ADGRL3: variants seen among roughly 807,000 people sequenced by gnomAD.
ADGRL3 encodes the protein adhesion G protein-coupled receptor L3.
A neutral mutation model predicts 153.5 loss-of-function variants in ADGRL3; 62 were observed. That is an observed-to-expected ratio of 0.40 (90% confidence interval 0.33 to 0.50). ADGRL3 has a LOEUF of 0.50. ADGRL3 is among the 20% of genes least tolerant of loss of function. ADGRL3 has a pLI of 0.47. For missense variants in ADGRL3, 1,641 were observed against 1,859.4 expected (o/e 0.88, Z 2.16); for synonymous variants, 710 against 672.5 (o/e 1.06, Z -0.86).
chr4:61,948,550 A>G (rs928369711), intron 17 of ADGRL3, among the ~76,000 whole-genome samples: 2 of 152,192 alleles, frequency 1.3e-5, no homozygotes, highest in African/African-American at 4.8e-5. Flanking sequence ...ATGTCAGACC[A>G]TAACCTCATG....
chr4:61,331,507 A>G (rs2095572364), intron 1 of ADGRL3, among the ~76,000 whole-genome samples: 1 of 152,124 alleles, frequency 6.6e-6, no homozygotes, highest in Non-Finnish European at 1.5e-5. Context: ...TTTTCTTCCA[A>G]TACATTTTCT....
chr4:62,051,191 C>T (rs7669786), intron 25 of ADGRL3, among the ~76,000 whole-genome samples: 39,115 of 129,126 alleles, frequency 0.3, 5,600 homozygotes, highest in Middle Eastern at 0.42. Context: ...TATATATATA[C>T]ATACATACAC....
At chr4:61,656,779 T>C (rs2150492541) in intron 5 of ADGRL3, among the ~76,000 whole-genome samples, 1 of 152,318 alleles carries the variant, frequency 6.6e-6, no homozygotes, top group African/African-American at 2.4e-5. Context: ...AACCGTATTT[T>C]CACTCAGCAT....
At chr4:61,599,293 C>T (rs1387288650) in intron 5 of ADGRL3, among the ~76,000 whole-genome samples, 1 of 152,172 alleles carries the variant, frequency 6.6e-6, no homozygotes, top group African/African-American at 2.4e-5. Context: ...AGGACCCTCT[C>T]TGGAATGGGA....
intron 8 of ADGRL3, among the ~76,000 whole-genome samples, chr4:61,758,814 G>A (rs2096871818): frequency 6.6e-6 from 1 of 152,192 alleles, no homozygotes; most frequent in African/African-American, 2.4e-5. Context: ...GCAGTGGCTG[G>A]AACCGCTTGT....
intron 4 of ADGRL3, chr4:61,579,732 C>T (rs1005597302): frequency 8.3e-6 from 3 of 363,330 alleles, no homozygotes; most frequent in African/African-American, 4.4e-5. Context: ...TTCTTTTGAC[C>T]TCAGAACATA....
rs1025980144 is a variant in ADGRL3, at chr4:62,077,382, T to G, written c.*6474T>G. On this transcript the variant is annotated 3_prime_UTR_variant, in exon 27 of 27. Coordinates refer to ENST00000683033, the MANE Select transcript of ADGRL3 (RefSeq NM_001387552.1). ...CAATGATCCAAGACTACAAAATTTCTTGCTACATTGGCAAGGAAATATGTT... is the reference window on the plus strand; with the variant it reads ...CAATGATCCAAGACTACAAAATTTCGTGCTACATTGGCAAGGAAATATGTT... 1 of 151,964 alleles carries G rather than the reference T, an allele frequency of 6.6e-6. No individual in the cohort carries two copies. The highest frequency in any genetic ancestry group is 6.6e-5 in the Admixed American group (1 of 15,250). The allele number at this position is 151,964 out of a possible 1,614,324, so 9.4% of individuals were successfully genotyped here. A position where few individuals can be genotyped will look rare whatever the true frequency, so the allele number is the denominator to read the frequency against.
At chr4:61,551,065 T>C (rs1015240778) in intron 4 of ADGRL3, among the ~76,000 whole-genome samples, 2 of 152,130 alleles carry the variant, frequency 1.3e-5, no homozygotes, top group Admixed American at 1.3e-4. Flanking sequence ...AGCTATTTTT[T>C]CTTTTCTCAT....
intron 10 of ADGRL3, 131 bp downstream of exon 10, chr4:61,893,089 C>A (rs996489893): frequency 1.7e-4 from 71 of 413,626 alleles, no homozygotes; most frequent in African/African-American, 1.3e-3. Flanking sequence ...TTGTCTCTTT[C>A]TTTCTCCTTC....
chr4:61,900,090 T>A (rs1444126393), intron 11 of ADGRL3, among the ~76,000 whole-genome samples: 1 of 152,146 alleles, frequency 6.6e-6, no homozygotes, highest in Admixed American at 6.6e-5. Context: ...GATAGTTGAG[T>A]TATGGTGGAC....
intron 9 of ADGRL3, among the ~76,000 whole-genome samples, chr4:61,830,298 G>A (rs2097854881): frequency 6.6e-6 from 1 of 152,134 alleles, no homozygotes; most frequent in Non-Finnish European, 1.5e-5. Flanking sequence ...TCAGGAAGGT[G>A]AGCTGCAGTG....
At chr4:61,656,143 G>A (rs1483366491) in intron 5 of ADGRL3, among the ~76,000 whole-genome samples, 1 of 152,066 alleles carries the variant, frequency 6.6e-6, no homozygotes, top group Non-Finnish European at 1.5e-5. Flanking sequence ...TTCTAGTAAG[G>A]CATACTTTTC....
At chr4:61,267,093 A>C (rs2092894647) in intron 1 of ADGRL3, among the ~76,000 whole-genome samples, 1 of 151,790 alleles carries the variant, frequency 6.6e-6, no homozygotes, top group Non-Finnish European at 1.5e-5. Context: ...AAGCAGATTC[A>C]AAATAAATAA....
chr4:61,232,012 C>G (rs1213374923), intron 1 of ADGRL3, among the ~76,000 whole-genome samples: 1 of 151,598 alleles, frequency 6.6e-6, no homozygotes, highest in Non-Finnish European at 1.5e-5. Context: ...AAATTGTAAA[C>G]AGGTTTGACC....
At chr4:61,375,258 C>A (rs2096589937) in intron 1 of ADGRL3, among the ~76,000 whole-genome samples, 1 of 151,956 alleles carries the variant, frequency 6.6e-6, no homozygotes, top group African/African-American at 2.4e-5. Context: ...AGATTAAACT[C>A]TAAATTTATT....
intron 5 of ADGRL3, among the ~76,000 whole-genome samples, chr4:61,669,027 T>A (rs576448360): frequency 8.5e-5 from 13 of 152,128 alleles, no homozygotes; most frequent in Admixed American, 2.0e-4. Context: ...TCAAAAAAAA[T>A]TTTTTTAAAT....
At chr4:62,012,030 T>C (rs538180374) in intron 21 of ADGRL3, among the ~76,000 whole-genome samples, 2 of 152,264 alleles carry the variant, frequency 1.3e-5, no homozygotes, top group South Asian at 2.1e-4. Flanking sequence ...TTAATATATA[T>C]AATTTTATGT....
chr4:61,474,686 A>G (rs550331891), intron 2 of ADGRL3, among the ~76,000 whole-genome samples: 1 of 152,224 alleles, frequency 6.6e-6, no homozygotes, highest in Admixed American at 6.5e-5. Flanking sequence ...TTCCCCTTAA[A>G]CAGAAAGAAA....
intron 1 of ADGRL3, among the ~76,000 whole-genome samples, chr4:61,254,115 C>G (rs750791775): frequency 1.6e-4 from 24 of 152,276 alleles, no homozygotes; most frequent in African/African-American, 5.5e-4. Context: ...AACCACTGCT[C>G]AAACTCATTA....
Sources: gnomAD v4.1 joint callset for allele counts (sites outside exome capture counted in the v4.1 genomes callset) on GRCh38, gnomAD v4.1.1 for gene constraint, MANE v1.5 for transcripts, NCBI Gene and HGNC (gene_info 2026-07-23, HGNC 2026-07-21) for gene names.